EPB41L4B: variants seen among roughly 807,000 people sequenced by gnomAD.
EPB41L4B encodes the protein erythrocyte membrane protein band 4.1 like 4B, also known as band 4.1-like protein 4B.
A neutral mutation model predicts 112.5 loss-of-function variants in EPB41L4B; 30 were observed. That is an observed-to-expected ratio of 0.27 (90% CI 0.20 to 0.36). EPB41L4B has a LOEUF of 0.36. EPB41L4B is among the 10% of genes least tolerant of loss of function. The pLI is 1.00. For synonymous variants in EPB41L4B, 408 were observed against 439.7 expected, an observed-to-expected ratio of 0.93 and a Z score of 0.90; for missense variants, 1,024 against 1,133.3, an observed-to-expected ratio of 0.90 and a Z score of 1.38.
At chr9:109,208,143 G>T in intron 17 of EPB41L4B, 94 bp from the exon 18 acceptor site, 3 of 1,452,384 alleles carry the variant, frequency 2.1e-6, no homozygotes, top group Non-Finnish European at 2.8e-6. Context: ...ATATAACACA[G>T]ACCTACATAC....
chr9:109,266,968 C>CAAAAAAAAAAAAAAAAAAAA (rs3061574), intron 4 of EPB41L4B, among the ~76,000 whole-genome samples: 1 of 91,744 alleles, frequency 1.1e-5, no homozygotes. Flanking sequence ...GATTTTGTTT[C>CAAAAAAAAAAAAAAAAAAAA]AAAAAAAAAA....
chr9:109,201,605 G>C (rs1161253870), intron 19 of EPB41L4B, among the ~76,000 whole-genome samples: 1 of 152,186 alleles, frequency 6.6e-6, no homozygotes, highest in African/African-American at 2.4e-5. Context: ...AGTCTATTGA[G>C]GGAGCACATG....
At chr9:109,182,037 C>T (rs1832079390) in intron 24 of EPB41L4B, among the ~76,000 whole-genome samples, 1 of 152,126 alleles carries the variant, frequency 6.6e-6, no homozygotes, top group Non-Finnish European at 1.5e-5. Flanking sequence ...AATGAAACCC[C>T]ACCTCTACTA....
At chr9:109,262,175 T>C (rs918593803) in intron 6 of EPB41L4B, among the ~76,000 whole-genome samples, 1 of 152,034 alleles carries the variant, frequency 6.6e-6, no homozygotes, top group Non-Finnish European at 1.5e-5. Context: ...CATGCAAAAA[T>C]ACCCTTTGCA....
chr9:109,289,956 G>A (rs186881148), intron 1 of EPB41L4B, among the ~76,000 whole-genome samples: 57 of 152,292 alleles, frequency 3.7e-4, no homozygotes, highest in African/African-American at 1.3e-3. Flanking sequence ...CCTGTTTTAC[G>A]GCACGTGGGA....
intron 14 of EPB41L4B, among the ~76,000 whole-genome samples, chr9:109,244,416 A>T (rs1194077298): frequency 7.1e-6 from 1 of 141,344 alleles, no homozygotes; most frequent in Non-Finnish European, 1.5e-5. Context: ...GAAGAGAAGG[A>T]AGGAGGTTGA....
chr9:109,187,366 G>A (rs541843361), intron 22 of EPB41L4B, among the ~76,000 whole-genome samples: 1 of 152,152 alleles, frequency 6.6e-6, no homozygotes, highest in South Asian at 2.1e-4. Flanking sequence ...TGGTCTTCAC[G>A]ATGGCCTGTT....
At chr9:109,310,669 G>A (rs898638060) in intron 1 of EPB41L4B, among the ~76,000 whole-genome samples, 18 of 152,216 alleles carry the variant, frequency 1.2e-4, no homozygotes, top group Non-Finnish European at 5.9e-5. Flanking sequence ...TCCCAGGGAA[G>A]AGGTGTCAGA....
At chr9:109,205,530 G>A (rs1832966248) in intron 18 of EPB41L4B, among the ~76,000 whole-genome samples, 1 of 152,126 alleles carries the variant, frequency 6.6e-6, no homozygotes, top group South Asian at 2.1e-4. Flanking sequence ...TATAAAAATG[G>A]CATACCTGAA....
intron 22 of EPB41L4B, among the ~76,000 whole-genome samples, chr9:109,187,863 G>T (rs571157860): frequency 6.6e-6 from 1 of 152,120 alleles, no homozygotes; most frequent in Non-Finnish European, 1.5e-5. Context: ...TTGATCCACC[G>T]CACAAGCCTT....
intron 1 of EPB41L4B, among the ~76,000 whole-genome samples, chr9:109,301,593 C>T (rs530220027): frequency 3.6e-4 from 55 of 152,220 alleles, no homozygotes; most frequent in African/African-American, 1.3e-3. Flanking sequence ...TCTACAGCTG[C>T]GTGTACATGG....
At chr9:109,175,800 A>G (rs1831804236) in intron 25 of EPB41L4B, among the ~76,000 whole-genome samples, 2 of 152,116 alleles carry the variant, frequency 1.3e-5, no homozygotes, top group Non-Finnish European at 2.9e-5. Context: ...GGCCTCCTCT[A>G]TTGTCATTCA....
chr9:109,247,241 ATAC>A (rs1834593539), intron 14 of EPB41L4B, among the ~76,000 whole-genome samples: 1 of 152,066 alleles, frequency 6.6e-6, no homozygotes, highest in African/African-American at 2.4e-5. Flanking sequence ...TGGGGAAACA[ATAC>A]ATTTAAAAAA....
intron 23 of EPB41L4B, among the ~76,000 whole-genome samples, chr9:109,184,231 A>G (rs1832173369): frequency 6.6e-6 from 1 of 152,100 alleles, no homozygotes; most frequent in Non-Finnish European, 1.5e-5. Flanking sequence ...TTATTTATTT[A>G]TTTTTTGAGA....
intron 1 of EPB41L4B, among the ~76,000 whole-genome samples, chr9:109,319,632 G>C (rs1206957309): frequency 1.3e-5 from 2 of 152,232 alleles, no homozygotes. Context: ...GGCGCCTGCC[G>C]AGCAGCAAGC....
At chr9:109,218,123 A>ATTT (rs769374986) in intron 15 of EPB41L4B, among the ~76,000 whole-genome samples, 9 of 79,662 alleles carry the variant, frequency 1.1e-4, no homozygotes, top group Non-Finnish European at 1.6e-4. Flanking sequence ...AATACTAATA[A>ATTT]TTCTTTTTTT....
In EPB41L4B at chr9:109,176,582, T is replaced by C. The variant is rs764369441; in HGVS notation, c.2602A>G (p.Thr868Ala). The change falls in exon 25 of 26, where the codon ACC (threonine) becomes GCC (alanine). Residue 868 changes from threonine to alanine, a missense_variant. By Grantham distance (58) the Thr-to-Ala change is moderately conservative (BLOSUM62 0). Transcript: ENST00000374566. ...GCCAGAGAAACAGGTTTCCGGGTGGTGTAAATGGTCTGCACTGTGGAGACG... is the reference window on the plus strand; with the variant it reads ...GCCAGAGAAACAGGTTTCCGGGTGGCGTAAATGGTCTGCACTGTGGAGACG... Reference protein sequence around the residue: ...ETVSTVQTIYTTRKPVSLAAS... With the variant: ...ETVSTVQTIYATRKPVSLAAS... 8.1e-6 allele frequency: 13 copies of C among 1,612,442 alleles called. No individual in the cohort carries two copies. The highest frequency in any genetic ancestry group is 1.7e-5 in the Admixed American group (1 of 59,608).
At chr9:109,181,062 A>G (rs1832034119) in intron 24 of EPB41L4B, among the ~76,000 whole-genome samples, 1 of 152,124 alleles carries the variant, frequency 6.6e-6, no homozygotes, top group East Asian at 1.9e-4. Context: ...CCCAGGCTGG[A>G]ATCCAGTGGT....
intron 1 of EPB41L4B, among the ~76,000 whole-genome samples, chr9:109,298,085 GGAA>G (rs1207797776): frequency 6.6e-6 from 1 of 151,464 alleles, no homozygotes; most frequent in East Asian, 1.9e-4. Flanking sequence ...GCCTCTTGCA[GGAA>G]GAAGGCAGAG....
Sources: gnomAD v4.1 joint callset for allele counts (sites outside exome capture counted in the v4.1 genomes callset) on GRCh38, gnomAD v4.1.1 for gene constraint, MANE v1.5 for transcripts, NCBI Gene and HGNC (gene_info 2026-07-23, HGNC 2026-07-21) for gene names.